The following FOXP1 variants were observed in gnomAD, a reference collection of about 807,000 sequenced individuals.
The protein encoded by FOXP1 is forkhead box P1.
FOXP1 carries 15 observed loss-of-function variants against 98.2 expected under a neutral mutation model. That is an observed-to-expected ratio of 0.15 (90% CI 0.10 to 0.24). The LOEUF is 0.24. FOXP1 is among the 10% of genes least tolerant of loss of function. The pLI, the probability that FOXP1 is intolerant of heterozygous loss-of-function variation, is 1.00. For missense variants in FOXP1, 633 were observed against 848.5 expected, an observed-to-expected ratio of 0.75 and a Z score of 3.15; for synonymous variants, 371 against 314.5, an observed-to-expected ratio of 1.18 and a Z score of -1.90.
chr3:71,472,695 GTTAATT>G (rs1277613039), intron 3 of FOXP1, among the ~76,000 whole-genome samples: 7 of 152,160 alleles, frequency 4.6e-5, no homozygotes, highest in African/African-American at 7.2e-5. Context: ...AAGGCATTTT[GTTAATT>G]TTAACTATTC....
chr3:71,109,893 G>A (rs112793069), intron 7 of FOXP1, among the ~76,000 whole-genome samples: 14 of 151,960 alleles, frequency 9.2e-5, no homozygotes, highest in Admixed American at 5.9e-4. Flanking sequence ...TATTTCCCCC[G>A]GCCAAATCTT....
intron 4 of FOXP1, among the ~76,000 whole-genome samples, chr3:71,306,281 T>C (rs1234302043): frequency 8.5e-5 from 13 of 152,058 alleles, no homozygotes. Context: ...TCATTAGTAA[T>C]TAAGAACTCA....
At chr3:71,472,806 A>C (rs2089481271) in intron 3 of FOXP1, among the ~76,000 whole-genome samples, 2 of 152,176 alleles carry the variant, frequency 1.3e-5, no homozygotes, top group Non-Finnish European at 2.9e-5. Flanking sequence ...TATTAACCCC[A>C]CTTATTCAAA....
In FOXP1 at chr3:71,395,631, T is replaced by A. The variant is rs116180444; in HGVS notation, c.-167-36387A>T. 3.8e-3 allele frequency among the ~76,000 whole-genome samples: 577 copies of A among 152,256 alleles called. 3 individuals are homozygous for A. The highest frequency in any genetic ancestry group is 0.014 in the African/African-American group (561 of 41,540). On this transcript the variant is annotated intron_variant, in intron 3 of 20. Transcript: ENST00000649528. ...ATACTGTTCTTTGTTGTTTGTTTAGTATCTGTACCCTACTAGAATACCAGC... is the reference window on the plus strand; with the variant it reads ...ATACTGTTCTTTGTTGTTTGTTTAGAATCTGTACCCTACTAGAATACCAGC...
At chr3:71,408,028 G>A (rs1402556691) in intron 3 of FOXP1, among the ~76,000 whole-genome samples, 1 of 152,118 alleles carries the variant, frequency 6.6e-6, no homozygotes, top group African/African-American at 2.4e-5. Context: ...GAGCAGTCAA[G>A]CAGGGATCCT....
chr3:71,274,504 G>A (rs2070703840), intron 5 of FOXP1, among the ~76,000 whole-genome samples: 1 of 152,116 alleles, frequency 6.6e-6, no homozygotes, highest in East Asian at 1.9e-4. Context: ...GAGCAGAGGG[G>A]AGAAATGCAA....
At chr3:71,115,437 A>C (rs2058299509) in intron 6 of FOXP1, among the ~76,000 whole-genome samples, 1 of 151,756 alleles carries the variant, frequency 6.6e-6, no homozygotes, top group Non-Finnish European at 1.5e-5. Flanking sequence ...CCCGGGTTCA[A>C]GCAATTCTCC....
intron 3 of FOXP1, among the ~76,000 whole-genome samples, chr3:71,449,868 T>G (rs1208691389): frequency 1.3e-5 from 2 of 152,174 alleles, no homozygotes; most frequent in Non-Finnish European, 2.9e-5. Context: ...CATAACAAAG[T>G]ATAACTAAAT....
intron 3 of FOXP1, among the ~76,000 whole-genome samples, chr3:71,392,785 C>T (rs992378690): frequency 6.6e-6 from 1 of 152,012 alleles, no homozygotes; most frequent in Non-Finnish European, 1.5e-5. Flanking sequence ...GTATTGTTCA[C>T]GCTAACCTAA....
At chr3:71,154,099 T>C (rs57570416) in intron 6 of FOXP1, among the ~76,000 whole-genome samples, 6,589 of 150,482 alleles carry the variant, frequency 0.044, 450 homozygotes, top group African/African-American at 0.16. Flanking sequence ...TCTTCTTCTT[T>C]TTTTTTGCAA....
intron 11 of FOXP1, among the ~76,000 whole-genome samples, chr3:71,029,985 T>C (rs1025009715): frequency 2.6e-5 from 4 of 152,170 alleles, no homozygotes; most frequent in Non-Finnish European, 2.9e-5. Context: ...CTAAAACATA[T>C]ATTAACTCAT....
At position 71,499,134 on chromosome 3, in the gene FOXP1, C is replaced by A. The variant is rs72961266; in HGVS notation, c.-297-5579G>T. The stretch of plus-strand genomic sequence containing the variant: ...TCTCTGTCCAACCAATGGGAGCTCT[C>A]ATCTCAGGACGCCACAGAAGATGGG... On this transcript the variant is annotated intron_variant, in intron 2 of 20. Coordinates refer to ENST00000649528, the MANE Select transcript of FOXP1 (RefSeq NM_001349338.3). Among the ~76,000 whole-genome samples the A allele has an allele frequency of 6.4e-3, 970 of 152,326 alleles. 11 individuals carry two copies. Among genetic ancestry groups the A allele is most frequent in the African/African-American group, 0.022 (935 of 41,564 alleles).
At chr3:71,532,327 G>T (rs563590008) in intron 2 of FOXP1, among the ~76,000 whole-genome samples, 1 of 152,236 alleles carries the variant, frequency 6.6e-6, no homozygotes, top group Admixed American at 6.5e-5. Context: ...CAACTCCTGA[G>T]CTCAAGCGAT....
At chr3:71,223,693 CAAAAAAA>C (rs34686001) in intron 5 of FOXP1, among the ~76,000 whole-genome samples, 48 of 90,120 alleles carry the variant, frequency 5.3e-4, no homozygotes, top group Non-Finnish European at 1.1e-3. Context: ...GACTACGTCT[CAAAAAAA>C]AAAAAAAAAA....
At chr3:71,151,926 T>C (rs1201998062) in intron 6 of FOXP1, among the ~76,000 whole-genome samples, 1 of 152,198 alleles carries the variant, frequency 6.6e-6, no homozygotes, top group Non-Finnish European at 1.5e-5. Flanking sequence ...GCTTGTATTA[T>C]GGCCTTCCCT....
At chr3:71,582,591 C>G in intron 1 of FOXP1, 1 of 985,446 alleles carries the variant, frequency 1.0e-6, no homozygotes, top group Non-Finnish European at 1.2e-6. Context: ...GGGAAATCTC[C>G]CCGTCCCCCA....
intron 2 of FOXP1, chr3:71,580,968 C>T (rs1371858910): frequency 4.1e-6 from 4 of 985,228 alleles, no homozygotes; most frequent in Non-Finnish European, 4.8e-6. Flanking sequence ...GCAATTCCAG[C>T]CCCTCAGAAG....
intron 7 of FOXP1, among the ~76,000 whole-genome samples, chr3:71,057,106 A>G (rs1366810107): frequency 4.6e-5 from 7 of 152,270 alleles, no homozygotes; most frequent in Non-Finnish European, 1.0e-4. Context: ...GAAAGCGGCT[A>G]AAGGCACACA....
intron 3 of FOXP1, among the ~76,000 whole-genome samples, chr3:71,431,441 C>T (rs1023789288): frequency 6.6e-6 from 1 of 152,272 alleles, no homozygotes; most frequent in South Asian, 2.1e-4. Context: ...TCATACCATG[C>T]TAGGCACTTA....
Sources: gnomAD v4.1 joint callset for allele counts (sites outside exome capture counted in the v4.1 genomes callset) on GRCh38, gnomAD v4.1.1 for gene constraint, MANE v1.5 for transcripts, NCBI Gene and HGNC (gene_info 2026-07-23, HGNC 2026-07-21) for gene names.